Variants in TRPC6 observed in about 807,000 individuals in gnomAD.
TRPC6 encodes transient receptor potential cation channel subfamily C member 6, also known as short transient receptor potential channel 6.
TRPC6 carries 55 observed loss-of-function variants against 90.7 expected under a neutral mutation model. The observed-to-expected ratio is 0.61, with a 90% CI of 0.49 to 0.76. The LOEUF is 0.76. TRPC6 is among the 30% of genes least tolerant of loss of function. The pLI, the probability that TRPC6 is intolerant of heterozygous loss-of-function variation, is 0.00. For missense variants in TRPC6, 989 were observed against 1,122.7 expected (o/e 0.88, Z 1.70); for synonymous variants, 393 against 393.0 (o/e 1.00, Z 0.00).
intron 10 of TRPC6, among the ~76,000 whole-genome samples, chr11:101,456,050 TC>T (rs1379378680): frequency 6.6e-6 from 1 of 152,186 alleles, no homozygotes; most frequent in Non-Finnish European, 1.5e-5. Flanking sequence ...ATTTCCTTTT[TC>T]TTTTACTCAC....
chr11:101,456,566 A>ATTCT (rs1325664890), intron 10 of TRPC6, among the ~76,000 whole-genome samples: 1 of 152,118 alleles, frequency 6.6e-6, no homozygotes, highest in Non-Finnish European at 1.5e-5. Flanking sequence ...GGGCTAGATA[A>ATTCT]TTCTTTGGTG....
chr11:101,497,904 G>C (rs974720708), intron 2 of TRPC6, among the ~76,000 whole-genome samples: 2 of 151,974 alleles, frequency 1.3e-5, no homozygotes, highest in African/African-American at 2.4e-5. Context: ...CAAAAGAGGG[G>C]ATTTTTAAGA....
At chr11:101,479,417 G>C (rs926801662) in intron 5 of TRPC6, among the ~76,000 whole-genome samples, 2 of 152,118 alleles carry the variant, frequency 1.3e-5, no homozygotes, top group Non-Finnish European at 2.9e-5. Flanking sequence ...TCATTGATTT[G>C]AGCTCACTGT....
At chr11:101,536,242 C>T (rs2136809192) in intron 1 of TRPC6, among the ~76,000 whole-genome samples, 1 of 152,250 alleles carries the variant, frequency 6.6e-6, no homozygotes, top group East Asian at 1.9e-4. Context: ...CAAAAGTTAG[C>T]CAGGCTTGGT....
intron 1 of TRPC6, among the ~76,000 whole-genome samples, chr11:101,548,341 ATATATAAT>A (rs1216753275): frequency 7.8e-6 from 1 of 128,426 alleles, no homozygotes; most frequent in South Asian, 3.0e-4. Context: ...TTGAAATACA[ATATATAAT>A]TATATAATTA....
At chr11:101,471,123 T>C (rs1441651752) in intron 9 of TRPC6, 60 bp downstream of exon 9, 2 of 1,528,886 alleles carry the variant, frequency 1.3e-6, no homozygotes, top group African/African-American at 2.7e-5. Flanking sequence ...GGATGTGGCA[T>C]AGTGGTTACA....
chr11:101,453,055 A>G lies in TRPC6; in HGVS notation c.2696T>C (p.Leu899Pro). 6.2e-7 allele frequency: 1 copy of G among 1,613,898 alleles called. No individual in the cohort carries two copies. The highest frequency in any genetic ancestry group is 8.5e-7 in the Non-Finnish European group (1 of 1,179,876). ...QDISSLRYELLEEKSQNTEDL... is the reference protein window; with the variant it reads ...QDISSLRYELPEEKSQNTEDL... Reference sequence around the variant, plus strand: ...TTCTGTATTCTGAGATTTTTCTTCAAGGAGTTCATAGCGGAGACTTGAGAT... The same window carrying G: ...TTCTGTATTCTGAGATTTTTCTTCAGGGAGTTCATAGCGGAGACTTGAGAT... Residue 899 changes from leucine (L) to proline (P), a missense_variant, in exon 13 of 13, where the codon CTT (leucine) becomes CCT (proline). By Grantham distance (98) the Leu-to-Pro change is moderately conservative (BLOSUM62 -3). Around this residue, in one of 4 missense-constraint regions of TRPC6, gnomAD observed 191 missense variants for 196.7 expected, o/e 0.97. Coordinates refer to ENST00000344327, the MANE Select transcript of TRPC6 (RefSeq NM_004621.6).
chr11:101,523,292 G>C (rs72972234), intron 1 of TRPC6, among the ~76,000 whole-genome samples: 1 of 152,210 alleles, frequency 6.6e-6, no homozygotes, highest in Non-Finnish European at 1.5e-5. Flanking sequence ...GCAGGAGGAT[G>C]AGAGATCTGC....
chr11:101,558,835 G>T (rs1006541008), intron 1 of TRPC6, among the ~76,000 whole-genome samples: 6 of 152,120 alleles, frequency 3.9e-5, no homozygotes, highest in African/African-American at 1.4e-4. Context: ...GAATGAAATT[G>T]GGCCCTTATC....
In TRPC6 at chr11:101,493,952, T is replaced by C. The variant is rs546258625; in HGVS notation, c.946-2214A>G. ...TTAGTAACTATTAAAGAGGCTACAA[T>C]TTGCTAAACTGCAGGTCCAAAAAGA... On this transcript the variant is annotated intron_variant, in intron 2 of 12. Coordinates refer to ENST00000344327, the MANE Select transcript of TRPC6 (RefSeq NM_004621.6). 3.3e-5 allele frequency among the ~76,000 whole-genome samples: 5 copies of C among 152,294 alleles called. No individual in the cohort carries two copies. The South Asian group carries it at 1.0e-3, about 32-fold the overall frequency.
intron 1 of TRPC6, among the ~76,000 whole-genome samples, chr11:101,512,148 A>G (rs1013939637): frequency 6.6e-6 from 1 of 152,140 alleles, no homozygotes; most frequent in Non-Finnish European, 1.5e-5. Flanking sequence ...CTAGATAGCA[A>G]TTCTTCATTT....
intron 1 of TRPC6, among the ~76,000 whole-genome samples, chr11:101,547,532 C>T (rs4754767): frequency 0.98 from 149,886 of 152,302 alleles, 73,805 homozygotes; most frequent in East Asian, 1. Context: ...ACACTCCCCG[C>T]GCATTTAGCA....
chr11:101,518,564 G>A (rs1302526924), intron 1 of TRPC6, among the ~76,000 whole-genome samples: 1 of 152,168 alleles, frequency 6.6e-6, no homozygotes, highest in East Asian at 1.9e-4. Context: ...GTGAGGATGT[G>A]AAGAAAAGGA....
At chr11:101,466,707 G>T (rs1218798696) in intron 10 of TRPC6, among the ~76,000 whole-genome samples, 1 of 152,192 alleles carries the variant, frequency 6.6e-6, no homozygotes, top group Admixed American at 6.5e-5. Flanking sequence ...CTTTCCAGGG[G>T]AGTGAATGGT....
intron 1 of TRPC6, among the ~76,000 whole-genome samples, chr11:101,566,814 T>TTAGGGACTGTACC (rs1861843122): frequency 1.3e-5 from 2 of 152,084 alleles, no homozygotes; most frequent in Non-Finnish European, 2.9e-5. Flanking sequence ...AGGAAAGCCA[T>TTAGGGACTGTACC]TAGGGACTGT....
intron 6 of TRPC6, among the ~76,000 whole-genome samples, chr11:101,475,584 G>A (rs925244298): frequency 1.3e-4 from 20 of 151,906 alleles, no homozygotes; most frequent in African/African-American, 4.3e-4. Flanking sequence ...CATCCTATCC[G>A]TGTACCCTTT....
intron 2 of TRPC6, among the ~76,000 whole-genome samples, chr11:101,498,674 C>T (rs10501980): frequency 0.47 from 71,405 of 152,010 alleles, 17,274 homozygotes; most frequent in African/African-American, 0.58. Context: ...TGAAAAGTCC[C>T]ATTCTCTGTC....
At chr11:101,559,258 A>T (rs978275940) in intron 1 of TRPC6, among the ~76,000 whole-genome samples, 2 of 152,048 alleles carry the variant, frequency 1.3e-5, no homozygotes, top group Non-Finnish European at 2.9e-5. Context: ...TAAATGTTCA[A>T]CATCACTAAT....
At chr11:101,550,068 T>C (rs1193311731) in intron 1 of TRPC6, among the ~76,000 whole-genome samples, 1 of 151,674 alleles carries the variant, frequency 6.6e-6, no homozygotes, top group Non-Finnish European at 1.5e-5. Flanking sequence ...AATAATTCTA[T>C]TCAGTTTTTG....
Sources: gnomAD v4.1 joint callset for allele counts (sites outside exome capture counted in the v4.1 genomes callset) on GRCh38, gnomAD v4.1.1 for gene constraint, gnomAD v4.1.1 regional missense constraint, MANE v1.5 for transcripts, NCBI Gene and HGNC (gene_info 2026-07-23, HGNC 2026-07-21) for gene names.